CRPPA: variants seen among roughly 807,000 people sequenced by gnomAD.
CRPPA encodes D-ribitol-5-phosphate cytidylyltransferase.
In CRPPA, 43 loss-of-function variants were observed where a neutral mutation model predicts 52.0. That is an observed-to-expected ratio of 0.83 (90% CI 0.65 to 1.07). The LOEUF (loss-of-function observed/expected upper bound fraction) is 1.07. Among genes scored for constraint, CRPPA ranks in the 50% least tolerant of loss-of-function variants. CRPPA has a pLI of 0.00. For missense variants in CRPPA, 629 were observed against 551.7 expected, an observed-to-expected ratio of 1.14 and a Z score of -1.40; for synonymous variants, 250 against 203.5, an observed-to-expected ratio of 1.23 and a Z score of -1.94.
chr7:16,093,716 T>C (rs1009160242), intron 9 of CRPPA, among the ~76,000 whole-genome samples: 1 of 152,208 alleles, frequency 6.6e-6, no homozygotes, highest in South Asian at 2.1e-4. Flanking sequence ...TTGATTTATA[T>C]GAGAGATTTC....
intron 3 of CRPPA, among the ~76,000 whole-genome samples, chr7:16,338,994 T>C (rs956093139): frequency 6.6e-6 from 1 of 152,044 alleles, no homozygotes; most frequent in East Asian, 1.9e-4. Context: ...TTTTTTTGTA[T>C]TTTTAGTAGA....
At chr7:16,213,495 T>C (rs1415072387) in intron 9 of CRPPA, among the ~76,000 whole-genome samples, 1 of 152,108 alleles carries the variant, frequency 6.6e-6, no homozygotes, top group Non-Finnish European at 1.5e-5. Context: ...ACACCTGTAA[T>C]CCCAGCACTT....
chr7:16,295,583 G>A (rs962096344), intron 5 of CRPPA, among the ~76,000 whole-genome samples: 1 of 152,092 alleles, frequency 6.6e-6, no homozygotes, highest in African/African-American at 2.4e-5. Context: ...GATGAAGAAT[G>A]GAGGTAGAAA....
chr7:16,147,436 T>A (rs1408972620), intron 9 of CRPPA, among the ~76,000 whole-genome samples: 2 of 152,198 alleles, frequency 1.3e-5, no homozygotes, highest in Non-Finnish European at 2.9e-5. Flanking sequence ...TATAATACCT[T>A]CAGTTTAACT....
chr7:16,139,090 C>A (rs1288322705), intron 9 of CRPPA, among the ~76,000 whole-genome samples: 1 of 152,128 alleles, frequency 6.6e-6, no homozygotes, highest in Non-Finnish European at 1.5e-5. Flanking sequence ...GTATGAGCTA[C>A]CACGCCTGGC....
intron 9 of CRPPA, among the ~76,000 whole-genome samples, chr7:16,136,019 T>C (rs1020656469): frequency 3.9e-5 from 6 of 152,160 alleles, no homozygotes; most frequent in Non-Finnish European, 8.8e-5. Context: ...TTCTTTACAA[T>C]TGGCTTCTAT....
At chr7:16,278,358 T>C (rs1784253710) in intron 5 of CRPPA, 132 bp from the exon 6 acceptor site, 2 of 605,976 alleles carry the variant, frequency 3.3e-6, no homozygotes, top group East Asian at 2.8e-5. Flanking sequence ...TCAGGCCAAG[T>C]GGAGTAATCT....
chr7:16,186,288 G>T (rs747711042), intron 9 of CRPPA, among the ~76,000 whole-genome samples: 2 of 152,138 alleles, frequency 1.3e-5, no homozygotes, highest in Non-Finnish European at 2.9e-5. Context: ...AAGGTAATTA[G>T]GTCAGAAGGG....
At chr7:16,233,882 T>C (rs1040586620) in intron 8 of CRPPA, among the ~76,000 whole-genome samples, 3 of 152,168 alleles carry the variant, frequency 2.0e-5, no homozygotes, top group Admixed American at 6.6e-5. Flanking sequence ...TGTTCTACTT[T>C]ATATTTATGA....
chr7:16,127,966 G>A (rs1399164452), intron 9 of CRPPA, among the ~76,000 whole-genome samples: 1 of 152,042 alleles, frequency 6.6e-6, no homozygotes, highest in Non-Finnish European at 1.5e-5. Flanking sequence ...AATTTTTGAG[G>A]CTGCCATATT....
At chr7:16,419,421 C>G (rs1304965964) in intron 1 of CRPPA, among the ~76,000 whole-genome samples, 1 of 152,202 alleles carries the variant, frequency 6.6e-6, no homozygotes, top group Non-Finnish European at 1.5e-5. Context: ...GACTCTGGAA[C>G]AAAATTGATA....
chr7:16,418,978 G>C (rs115601195), intron 1 of CRPPA, among the ~76,000 whole-genome samples: 202 of 152,300 alleles, frequency 1.3e-3, no homozygotes, highest in African/African-American at 4.7e-3. Flanking sequence ...TAAAGATCCT[G>C]CTGGCCAAGA....
chr7:16,110,224 G>A (rs1782233108), intron 9 of CRPPA, among the ~76,000 whole-genome samples: 1 of 151,912 alleles, frequency 6.6e-6, no homozygotes, highest in Non-Finnish European at 1.5e-5. Flanking sequence ...AATCAACAAG[G>A]TAAAGACCTA....
At chr7:16,112,808 A>G (rs955266719) in intron 9 of CRPPA, among the ~76,000 whole-genome samples, 5 of 152,148 alleles carry the variant, frequency 3.3e-5, no homozygotes, top group Admixed American at 3.3e-4. Flanking sequence ...TATTCATTCA[A>G]TGACTATATT....
At chr7:16,186,382 C>A (rs932112651) in intron 9 of CRPPA, among the ~76,000 whole-genome samples, 1 of 152,144 alleles carries the variant, frequency 6.6e-6, no homozygotes, top group Non-Finnish European at 1.5e-5. Flanking sequence ...CCGCCACGTG[C>A]GTGTACAAGA....
intron 3 of CRPPA, among the ~76,000 whole-genome samples, chr7:16,328,649 G>A (rs555327857): frequency 3.3e-5 from 5 of 152,090 alleles, no homozygotes; most frequent in Admixed American, 2.0e-4. Flanking sequence ...CAAGTAGCTG[G>A]GATTACAGGC....
chr7:16,197,629 T>A (rs1781767350), intron 9 of CRPPA, among the ~76,000 whole-genome samples: 1 of 151,730 alleles, frequency 6.6e-6, no homozygotes, highest in Admixed American at 6.6e-5. Context: ...ATTGGTAAAT[T>A]CTTTCATCTG....
At chr7:16,416,430 A>G (rs751943325) in intron 1 of CRPPA, among the ~76,000 whole-genome samples, 2 of 152,218 alleles carry the variant, frequency 1.3e-5, no homozygotes, top group African/African-American at 4.8e-5. Context: ...AAGAAAACCT[A>G]GTAAACACCA....
chr7:16,207,084 A>C (rs1178546558), intron 9 of CRPPA, among the ~76,000 whole-genome samples: 1 of 152,200 alleles, frequency 6.6e-6, no homozygotes, highest in Non-Finnish European at 1.5e-5. Flanking sequence ...AATCAGAAAC[A>C]TTGATAGGAT....
Sources: allele counts gnomAD v4.1 joint callset (sites outside exome capture counted in the v4.1 genomes callset), GRCh38; gene constraint gnomAD v4.1.1; transcripts MANE v1.5; gene names NCBI Gene and HGNC (gene_info 2026-07-23, HGNC 2026-07-21).